The following PIEZO1 variants were observed in gnomAD, a reference collection of about 807,000 sequenced individuals.
The protein encoded by PIEZO1 is piezo type mechanosensitive ion channel component 1 (Er blood group), also known as piezo-type mechanosensitive ion channel component 1.
PIEZO1 carries 296 observed loss-of-function variants against 297.2 expected under a neutral mutation model. The ratio of observed to expected loss-of-function variants is 1.00; its 90% CI spans 0.91 to 1.10. The LOEUF (loss-of-function observed/expected upper bound fraction) is 1.10. PIEZO1 is among the 50% of genes least tolerant of loss of function. PIEZO1 has a pLI of 0.00. For missense variants in PIEZO1, 5,018 were observed against 3,455.5 expected (o/e 1.45, Z -11.34); for synonymous variants, 2,427 against 1,507.5 (o/e 1.61, Z -14.13).
In PIEZO1 at chr16:88,736,278, G is replaced by A. The variant is rs766289147; in HGVS notation, c.1427C>T (p.Thr476Met). The A allele has an allele frequency of 8.3e-5, 129 of 1,550,200 alleles. 2 individuals carry two copies. The Admixed American group carries it at 2.1e-3, about 25-fold the overall frequency. ...CSPCILLYGM[T>M]LCCLRYVWAM... Reference sequence around the variant, plus strand: ...CCACACGTAGCGTAGGCAGCACAGCGTCATCCCATACAGCAGGATGCAGGG... The same window carrying A: ...CCACACGTAGCGTAGGCAGCACAGCATCATCCCATACAGCAGGATGCAGGG... The change falls in exon 12 of 51, where the codon ACG (threonine) becomes ATG (methionine). Residue 476 changes from threonine (T) to methionine (M), a missense_variant. Physicochemically the swap from Thr to Met is moderately conservative, Grantham distance 81. Coordinates refer to ENST00000301015, the MANE Select transcript of PIEZO1 (RefSeq NM_001142864.4).
rs376861499 is a variant in PIEZO1 at position 88,726,680 on chromosome 16, C to A, written c.3699+35G>T. The A allele has an allele frequency of 8.4e-4, 1,248 of 1,480,070 alleles. 24 individuals carry two copies. The East Asian group carries it at 0.027, about 33-fold the overall frequency. 91.7% of individuals were successfully genotyped at this position (1,480,070 alleles called of 1,614,324 possible). On this transcript the variant is annotated intron_variant, in intron 25 of 50. Coordinates refer to ENST00000301015, the MANE Select transcript of PIEZO1 (RefSeq NM_001142864.4). ...CAGGGTCAGCGGGGCCAGCGGGGCC[C>A]CAGGGCGGTGGGTGCGGGGGGGCCG...
rs1282057896 is a variant in PIEZO1, at chr16:88,737,156, ACACAGAGTTCCCAGGCCAG to A, written c.1195+384_1195+402del. ...AGGCCCTCCCAAGGCGACGTGGCCA[ACACAGAGTTCCCAGGCCAG>A]CCCCTGCCCTGGACGAGCGGCCTCC... On this transcript the variant is annotated intron_variant, in intron 10 of 50. Transcript: ENST00000301015. The A allele has an allele frequency of 2.4e-5, 6 of 253,374 alleles. No individual in the cohort carries two copies. The East Asian group carries it at 5.6e-4, about 24-fold the overall frequency. 15.7% of individuals were successfully genotyped at this position (253,374 alleles called of 1,614,324 possible).
rs1335692078 is a variant in PIEZO1, at chr16:88,734,366, A to T, written c.2170T>A (p.Trp724Arg). The change falls in exon 16 of 51, where the codon TGG (tryptophan) becomes AGG (arginine). Residue 724 changes from tryptophan (W) to arginine (R), a missense_variant. Physicochemically the swap from Trp to Arg is moderately radical, Grantham distance 101. Transcript: ENST00000301015. The part of the protein sequence containing the change: ...VSLPGTRLPR[W>R]AHRQDAVSGT... ...AGGGCGGGGCCGCACCTGTGAGCCCAGCGCGGGAGGCGCGTGCCAGGCAGG... is the reference window on the plus strand; with the variant it reads ...AGGGCGGGGCCGCACCTGTGAGCCCTGCGCGGGAGGCGCGTGCCAGGCAGG... 15 of 1,535,692 alleles carry T rather than the reference A, an allele frequency of 9.8e-6. No individual in the cohort carries two copies. The highest frequency in any genetic ancestry group is 4.0e-5 in the Admixed American group (2 of 49,988).
At position 88,716,594 on chromosome 16, in the gene PIEZO1, G is replaced by A. The variant is rs34325377; in HGVS notation, c.6891C>T (p.Ala2297=). The A allele has an allele frequency of 1.5e-3, 2,331 of 1,548,204 alleles. 25 individuals are homozygous for A. In the African/African-American group the frequency reaches 0.015, roughly 10 times the overall value. Reference sequence around the variant, plus strand: ...TCCAGGTGAAGCGCAGGGTGATGTCGGCCGTGCCGTTGTAGAGCTCCCGCT... The same window carrying A: ...TCCAGGTGAAGCGCAGGGTGATGTCAGCCGTGCCGTTGTAGAGCTCCCGCT... ...QMKRELYNGT[A]DITLRFTWNF... The change falls in exon 47 of 51, where the codon GCC becomes GCT. Residue 2297 remains alanine, a synonymous_variant. Coordinates refer to ENST00000301015, the MANE Select transcript of PIEZO1 (RefSeq NM_001142864.4).
At position 88,741,474 on chromosome 16, in the gene PIEZO1, T is replaced by C; in HGVS notation, c.465+4A>G. Reference sequence around the variant, plus strand: ...TGACACACGGGTGACGCAGCTGCCCTCACCAGCTCCCGTGGATGTGGGCTC... The same window carrying C: ...TGACACACGGGTGACGCAGCTGCCCCCACCAGCTCCCGTGGATGTGGGCTC... On this transcript the variant is annotated splice_donor_region_variant and intron_variant, in intron 5 of 50. Coordinates refer to ENST00000301015, the MANE Select transcript of PIEZO1 (RefSeq NM_001142864.4). 1 of 1,533,736 alleles carries C rather than the reference T, an allele frequency of 6.5e-7. No homozygotes were observed. The highest frequency in any genetic ancestry group is 8.7e-7 in the Non-Finnish European group (1 of 1,145,536).
intron 1 of PIEZO1, among the ~76,000 whole-genome samples, chr16:88,781,160 G>T (rs1443166699): frequency 6.6e-6 from 1 of 152,194 alleles, no homozygotes; most frequent in Non-Finnish European, 1.5e-5. Context: ...GGCCGTCAAG[G>T]CCCACGGTGG....
intron 1 of PIEZO1, among the ~76,000 whole-genome samples, chr16:88,751,781 C>T (rs968025956): frequency 3.7e-4 from 57 of 152,154 alleles, no homozygotes; most frequent in African/African-American, 9.9e-4. Flanking sequence ...ACTTTTCAGC[C>T]GGGTGAGTTC....
intron 1 of PIEZO1, among the ~76,000 whole-genome samples, chr16:88,769,067 C>T (rs1907305051): frequency 6.6e-6 from 1 of 152,224 alleles, no homozygotes; most frequent in Admixed American, 6.5e-5. Flanking sequence ...GGCCCCTCAT[C>T]CAAAGGGGCC....
At chr16:88,766,391 C>A (rs1907182000) in intron 1 of PIEZO1, among the ~76,000 whole-genome samples, 1 of 152,184 alleles carries the variant, frequency 6.6e-6, no homozygotes, top group South Asian at 2.1e-4. Context: ...ACGTGACAGC[C>A]CCACAATCGC....
At position 88,726,425 on chromosome 16, in the gene PIEZO1, C is replaced by T; in HGVS notation, c.3827G>A (p.Cys1276Tyr). ...GCCAGCCTCCTCCACAGGCAGCAGG[C>T]AGTCCTGGTCTCTGTCCATCATCTC... ...PKEMMDRDQD[C>Y]LLPVEEAGII... The change falls in exon 27 of 51, where the codon TGC (cysteine) becomes TAC (tyrosine). Residue 1276 changes from cysteine to tyrosine, a missense_variant. By Grantham distance (194) the Cys-to-Tyr change is radical (BLOSUM62 -2). Coordinates refer to ENST00000301015, the MANE Select transcript of PIEZO1 (RefSeq NM_001142864.4). 13 of 1,550,486 alleles carry T rather than the reference C, an allele frequency of 8.4e-6. No individual in the cohort carries two copies. Among genetic ancestry groups the T allele is most frequent in the Non-Finnish European group, 1.1e-5 (13 of 1,146,906 alleles).
chr16:88,736,790 C>G (rs897119796), intron 10 of PIEZO1, 51 bp from the exon 11 acceptor site: 97 of 1,132,982 alleles, frequency 8.6e-5, no homozygotes, highest in South Asian at 5.8e-4. Context: ...GCAGGCCTCC[C>G]CACCCTGACT....
rs926827657 is a variant in PIEZO1, at chr16:88,749,448, C to T, written c.96G>A (p.Leu32=). The part of the protein sequence containing the change: ...ACLLRFSGLS[L]VYLLFLLLLP... ...GCAGCAGCAGGAAGAGCAGGTAGAC[C>T]AGCGAGAGTCCGCTGAAGCGGAGCA... is the stretch of plus-strand genomic sequence containing the variant. Residue 32 remains leucine (L), a synonymous_variant, in exon 2 of 51, where the codon CTG becomes CTA. Coordinates refer to ENST00000301015, the MANE Select transcript of PIEZO1 (RefSeq NM_001142864.4). 2.6e-6 allele frequency: 4 copies of T among 1,523,950 alleles called. No homozygotes were observed. Among genetic ancestry groups the T allele is most frequent in the African/African-American group, 2.8e-5 (2 of 72,078 alleles). 94.4% of individuals were successfully genotyped at this position (1,523,950 alleles called of 1,614,324 possible). A position where few individuals can be genotyped will look rare whatever the true frequency, so the allele number is the denominator to read the frequency against.
At chr16:88,724,025 A>G in intron 30 of PIEZO1, 54 bp from the exon 31 acceptor site, 2 of 1,105,334 alleles carry the variant, frequency 1.8e-6, no homozygotes, top group Non-Finnish European at 2.7e-6. Flanking sequence ...ACTCCCAGCC[A>G]GACCCCCTCC....
rs778226687 is a variant in PIEZO1, at chr16:88,727,069, G to T, written c.3425C>A (p.Pro1142His). Residue 1142 changes from proline to histidine, a missense_variant, in exon 24 of 51, where the codon CCC becomes CAC. By Grantham distance (77) the Pro-to-His change is moderately conservative. Coordinates refer to ENST00000301015, the MANE Select transcript of PIEZO1 (RefSeq NM_001142864.4). Reference protein sequence around the residue: ...TDRLEPLRGEPNPVPNFIHCR... With the variant: ...TDRLEPLRGEHNPVPNFIHCR... ...GTGGATAAAGTTGGGCACGGGGTTG[G>T]GCTCCCCCCGCAGCGGCTCCAGGCG... The T allele has an allele frequency of 1.3e-6, 2 of 1,549,426 alleles. No homozygotes were observed. Among genetic ancestry groups the T allele is most frequent in the Admixed American group, 3.9e-5 (2 of 50,970 alleles).
chr16:88,724,509 C>T (rs1294026801), intron 30 of PIEZO1, among the ~76,000 whole-genome samples: 12 of 141,340 alleles, frequency 8.5e-5, no homozygotes, highest in Admixed American at 6.0e-4. Flanking sequence ...GTAGCCTGGG[C>T]GACAGGGCAA....
intron 1 of PIEZO1, among the ~76,000 whole-genome samples, chr16:88,755,727 G>C (rs1024825076): frequency 6.6e-6 from 1 of 152,244 alleles, no homozygotes; most frequent in South Asian, 2.1e-4. Context: ...ATCTCCAAAG[G>C]GGACAGTGCA....
At chr16:88,746,889 G>A (rs532527407) in intron 2 of PIEZO1, among the ~76,000 whole-genome samples, 1 of 152,234 alleles carries the variant, frequency 6.6e-6, no homozygotes, top group Non-Finnish European at 1.5e-5. Context: ...GGAACAGACA[G>A]AACCGGCTCC....
rs1209923928 is a variant in PIEZO1, at chr16:88,721,962, G to A, written c.5060C>T (p.Ser1687Leu). 7.7e-6 allele frequency: 12 copies of A among 1,549,954 alleles called. No individual in the cohort carries two copies. The highest frequency in any genetic ancestry group is 5.9e-5 in the Admixed American group (3 of 50,988). Residue 1687 changes from serine (S) to leucine (L), a missense_variant, in exon 37 of 51, where the codon TCG becomes TTG. Physicochemically the swap from Ser to Leu is moderately radical, Grantham distance 145. Transcript: ENST00000301015. Reference sequence around the variant, plus strand: ...GATGATGAAGTAGCAGAGCAGCTCCGAGTGGGCGGCCACACACTGGTACAC... The same window carrying A: ...GATGATGAAGTAGCAGAGCAGCTCCAAGTGGGCGGCCACACACTGGTACAC... ...RAVYQCVAAH[S>L]ELLCYFIIIL...
intron 1 of PIEZO1, among the ~76,000 whole-genome samples, chr16:88,771,573 G>A (rs1371194452): frequency 1.3e-5 from 2 of 152,210 alleles, no homozygotes; most frequent in South Asian, 2.1e-4. Context: ...AGGGCCACTC[G>A]ACAAGTGCCC....
Sources: gnomAD v4.1 joint callset for allele counts (sites outside exome capture counted in the v4.1 genomes callset) on GRCh38, gnomAD v4.1.1 for gene constraint, MANE v1.5 for transcripts, NCBI Gene and HGNC (gene_info 2026-07-23, HGNC 2026-07-21) for gene names.